Variants in ZFHX3 observed in about 807,000 individuals in gnomAD.
The protein encoded by ZFHX3 is zinc finger homeobox 3.
Under a neutral mutation model 279.1 loss-of-function variants are expected in ZFHX3, and 42 were observed. The observed-to-expected ratio is 0.15, with a 90% confidence interval of 0.12 to 0.19. The LOEUF is 0.19. Among genes scored for constraint, ZFHX3 ranks in the 10% least tolerant of loss-of-function variants. The pLI is 1.00. For synonymous variants in ZFHX3, 2,293 were observed against 1,957.8 expected, an observed-to-expected ratio of 1.17 and a Z score of -4.52; for missense variants, 4,981 against 4,754.0, an observed-to-expected ratio of 1.05 and a Z score of -1.40.
intron 2 of ZFHX3, among the ~76,000 whole-genome samples, chr16:73,576,372 C>A (rs1360068667): frequency 6.6e-6 from 1 of 152,136 alleles, no homozygotes; most frequent in East Asian, 1.9e-4. Context: ...GTAGCTGGAA[C>A]AGTGGTCAAA....
intron 4 of ZFHX3, among the ~76,000 whole-genome samples, chr16:72,838,611 G>A (rs2037261050): frequency 6.6e-6 from 1 of 152,156 alleles, no homozygotes; most frequent in Admixed American, 6.5e-5. Flanking sequence ...TGTGTGGTGA[G>A]GGACGGGTCC....
chr16:73,029,991 C>G (rs906914755), intron 1 of ZFHX3, among the ~76,000 whole-genome samples: 1 of 152,170 alleles, frequency 6.6e-6, no homozygotes, highest in Non-Finnish European at 1.5e-5. Flanking sequence ...TCTAATTTTC[C>G]ACAAACTCTT....
Position 73,115,377 on chromosome 16 carries a change from C to CAAA in ZFHX3, c.-897+15588_-897+15590dup, listed in dbSNP as rs10685277. Reference sequence around the variant, plus strand: ...ACAACATAATGGGACCCTATCTCTACAAAAAAAAAAAAAAAAAAAAAATCA... The same window carrying CAAA: ...ACAACATAATGGGACCCTATCTCTACAAAAAAAAAAAAAAAAAAAAAAAAATCA... On this transcript the variant is annotated intron_variant, in intron 7 of 17. Transcript: ENST00000641206. 6.9e-3 allele frequency among the ~76,000 whole-genome samples: 552 copies of CAAA among 80,444 alleles called. 12 individuals are homozygous for CAAA. The highest frequency in any genetic ancestry group is 0.025 in the African/African-American group (469 of 18,774). 52.8% of individuals were successfully genotyped at this position (80,444 alleles called of 152,430 possible).
intron 1 of ZFHX3, among the ~76,000 whole-genome samples, chr16:73,877,924 G>A (rs187586179): frequency 6.6e-5 from 10 of 151,906 alleles, no homozygotes; most frequent in African/African-American, 2.2e-4. Flanking sequence ...GATTCTAATG[G>A]TTAACATATC....
chr16:73,717,108 T>C (rs893346525), intron 1 of ZFHX3, among the ~76,000 whole-genome samples: 3 of 152,144 alleles, frequency 2.0e-5, no homozygotes, highest in African/African-American at 7.2e-5. Flanking sequence ...AAGACAGAGA[T>C]GTAGTTGGGA....
rs527383642 is a variant in ZFHX3 at position 73,529,127 on chromosome 16, T to C, written c.-1546-72869A>G. Reference sequence around the variant, plus strand: ...GGCAGTTTTTCCTCTACTTTGAAAATAGAGTGAAATACATTGAGGGCCTAA... The same window carrying C: ...GGCAGTTTTTCCTCTACTTTGAAAACAGAGTGAAATACATTGAGGGCCTAA... On this transcript the variant is annotated intron_variant, in intron 2 of 17. Coordinates refer to the ZFHX3 transcript ENST00000641206. Among the ~76,000 whole-genome samples, 5 of 152,236 alleles carry C rather than the reference T, an allele frequency of 3.3e-5. No individual in the cohort carries two copies. The East Asian group carries it at 7.7e-4, about 24-fold the overall frequency.
chr16:73,738,134 C>T (rs936527853), intron 1 of ZFHX3, among the ~76,000 whole-genome samples: 11 of 152,296 alleles, frequency 7.2e-5, no homozygotes, highest in Non-Finnish European at 1.2e-4. Flanking sequence ...TCTTTTGAAT[C>T]AGGCACTTTT....
chr16:72,833,357 C>A (rs778150020), intron 4 of ZFHX3, among the ~76,000 whole-genome samples: 1 of 152,160 alleles, frequency 6.6e-6, no homozygotes, highest in Admixed American at 6.5e-5. Context: ...TGCATTCCCC[C>A]CTCTTCTGCG....
chr16:72,957,806 C>G lies in ZFHX3; in HGVS notation c.2340G>C (p.Ala780=), dbSNP rs377618377. 7.5e-6 allele frequency: 12 copies of G among 1,590,032 alleles called. No homozygotes were observed. Among genetic ancestry groups the G allele is most frequent in the Non-Finnish European group, 1.0e-5 (12 of 1,162,834 alleles). The stretch of plus-strand genomic sequence containing the variant: ...AGCTACTGATATTGGCTGCCGCCGC[C>G]GCCGCAGCCACCGCCGCCGCCGCCG... The part of the protein sequence containing the change: ...AGAAAAAVAA[A]AAAANISSSC... The change falls in exon 2 of 10, where the codon GCG becomes GCC. Residue 780 remains alanine, a synonymous_variant. Coordinates refer to ENST00000268489, the MANE Select transcript of ZFHX3 (RefSeq NM_006885.4).
intron 7 of ZFHX3, among the ~76,000 whole-genome samples, chr16:73,116,858 A>G (rs1966438153): frequency 6.6e-6 from 1 of 152,206 alleles, no homozygotes; most frequent in Non-Finnish European, 1.5e-5. Flanking sequence ...TCAGAAGATG[A>G]GATGAGAACA....
chr16:73,769,530 T>C (rs1011145092), intron 1 of ZFHX3, among the ~76,000 whole-genome samples: 11 of 152,218 alleles, frequency 7.2e-5, no homozygotes, highest in Non-Finnish European at 7.3e-5. Context: ...AGCATCTATA[T>C]TTATATGCAG....
intron 1 of ZFHX3, among the ~76,000 whole-genome samples, chr16:73,692,796 C>G (rs898919010): frequency 6.6e-6 from 1 of 152,204 alleles, no homozygotes; most frequent in Non-Finnish European, 1.5e-5. Flanking sequence ...AGCATTGACA[C>G]TTAATCGTCT....
chr16:73,267,544 G>C (rs1362419461), intron 4 of ZFHX3, among the ~76,000 whole-genome samples: 1 of 152,088 alleles, frequency 6.6e-6, no homozygotes, highest in East Asian at 1.9e-4. Flanking sequence ...TATACAAAAG[G>C]GACGAGCCTC....
intron 5 of ZFHX3, chr16:73,143,980 C>T (rs758729746): frequency 2.2e-4 from 80 of 364,612 alleles, no homozygotes; most frequent in Non-Finnish European, 3.8e-4. Context: ...TTATTCAAGT[C>T]ACCCCCTTGT....
chr16:73,744,812 T>A (rs2053689383), intron 1 of ZFHX3, among the ~76,000 whole-genome samples: 1 of 152,194 alleles, frequency 6.6e-6, no homozygotes, highest in Admixed American at 6.6e-5. Flanking sequence ...TGTTATTTCA[T>A]CTTCGTGACA....
At chr16:73,566,173 G>A (rs2020448040) in intron 2 of ZFHX3, among the ~76,000 whole-genome samples, 2 of 152,178 alleles carry the variant, frequency 1.3e-5, no homozygotes, top group South Asian at 4.1e-4. Context: ...GGAAGGCCCT[G>A]GTCCCACCAG....
chr16:73,632,299 C>T (rs1391755960), intron 2 of ZFHX3, among the ~76,000 whole-genome samples: 1 of 152,126 alleles, frequency 6.6e-6, no homozygotes, highest in Non-Finnish European at 1.5e-5. Flanking sequence ...GTTGGATTAT[C>T]AAAGCTCACT....
Position 72,793,715 on chromosome 16 carries a change from G to A in ZFHX3, c.8967C>T (p.Val2989=), listed in dbSNP as rs143910600. The A allele has an allele frequency of 1.4e-5, 22 of 1,613,966 alleles. No homozygotes were observed. The highest frequency in any genetic ancestry group is 1.3e-4 in the South Asian group (12 of 91,076). ...GGGCATTCTGGAACCAGACCTGAAC[G>A]ACTCTCTTTGGCAGTCCAATGTCAT... ...LGNDIGLPKR[V]VQVWFQNARA... The change falls in exon 9 of 10, where the codon GTC becomes GTT. Residue 2989 remains valine (V), a synonymous_variant. Transcript: ENST00000268489. This position sits in a 1 kb window ranked among gnomAD's most constrained non-coding sequence, Gnocchi z 4.3.
intron 2 of ZFHX3, among the ~76,000 whole-genome samples, chr16:73,631,927 T>TCTCTCACACACA (rs1437204921): frequency 8.8e-5 from 12 of 136,816 alleles, no homozygotes; most frequent in African/African-American, 2.9e-4. Context: ...TCTCTCTCTC[T>TCTCTCACACACA]CACACACACA....
Sources: allele counts gnomAD v4.1 joint callset (sites outside exome capture counted in the v4.1 genomes callset), GRCh38; gene constraint gnomAD v4.1.1; non-coding constraint Gnocchi (gnomAD v3.1); transcripts MANE v1.5; gene names NCBI Gene and HGNC (gene_info 2026-07-23, HGNC 2026-07-21).